The following PSAP variants were observed in gnomAD, a reference collection of about 807,000 sequenced individuals.
The protein encoded by PSAP is prosaposin.
In PSAP, 25 loss-of-function variants were observed where a neutral mutation model predicts 66.0. That is an observed-to-expected ratio of 0.38 (90% CI 0.28 to 0.53). The LOEUF is 0.53. Ranked by LOEUF, PSAP falls within the 20% of genes least tolerant of loss-of-function variation. The probability of loss-of-function intolerance (pLI) is 0.83; values close to 1 mark genes in which losing one functional copy is unlikely to be tolerated. For synonymous variants in PSAP, 273 were observed against 258.9 expected, an observed-to-expected ratio of 1.05 and a Z score of -0.52; for missense variants, 649 against 668.8, an observed-to-expected ratio of 0.97 and a Z score of 0.33.
intron 2 of PSAP, among the ~76,000 whole-genome samples, chr10:71,832,551 A>G (rs1842540808): frequency 6.6e-6 from 1 of 152,176 alleles, no homozygotes; most frequent in African/African-American, 2.4e-5. Context: ...AGGAACACCT[A>G]TGAACTTAGC....
rs1842192397 is a variant in PSAP at position 71,817,473 on chromosome 10, C to G, written c.1543G>C (p.Val515Leu). Reference protein sequence around the residue: ...NTETAAQCNAVEHCKRHVWN With the variant: ...NTETAAQCNALEHCKRHVWN ...CACACATGGCGTTTGCAATGCTCGA[C>G]AGCCTGGTAGGAGAGAGGAAGCTGA... The change falls in exon 14 of 14, where the codon GTC becomes CTC. Residue 515 changes from valine to leucine, a missense_variant. Val to Leu is a conservative substitution (Grantham distance 32). Coordinates refer to ENST00000394936, the MANE Select transcript of PSAP (RefSeq NM_002778.4). The G allele has an allele frequency of 6.2e-7, 1 of 1,614,044 alleles. No individual in the cohort carries two copies. Among genetic ancestry groups the G allele is most frequent in the African/African-American group, 1.3e-5 (1 of 74,936 alleles).
chr10:71,823,010 AG>A (rs1196194626), intron 7 of PSAP, among the ~76,000 whole-genome samples: 3 of 151,670 alleles, frequency 2.0e-5, no homozygotes, highest in African/African-American at 7.3e-5. Context: ...CAAGCTTTTT[AG>A]AAAAAAAAAA....
At chr10:71,831,037 C>T (rs2133047825) in intron 4 of PSAP, 89 bp downstream of exon 4, 2 of 1,576,834 alleles carry the variant, frequency 1.3e-6, no homozygotes, top group Non-Finnish European at 1.7e-6. Flanking sequence ...TAAGAACAGA[C>T]TTTCCATTTT....
intron 13 of PSAP, 143 bp downstream of exon 13, chr10:71,818,474 T>C: frequency 1.2e-6 from 1 of 809,114 alleles, no homozygotes; most frequent in African/African-American, 1.7e-5. Context: ...TGAGTAAGCC[T>C]AACCACCTCT....
intron 8 of PSAP, among the ~76,000 whole-genome samples, chr10:71,820,970 G>A (rs1322441571): frequency 6.6e-6 from 1 of 152,232 alleles, no homozygotes; most frequent in East Asian, 1.9e-4. Flanking sequence ...TTTTAATTTT[G>A]CTCCATGGTA....
At chr10:71,820,030 A>C (rs12769743) in intron 9 of PSAP, 130 bp from the exon 10 acceptor site, 1 of 960,434 alleles carries the variant, frequency 1.0e-6, no homozygotes, top group Non-Finnish European at 1.6e-6. Context: ...AAAAACTACC[A>C]AACTACAAAG....
intron 1 of PSAP, among the ~76,000 whole-genome samples, chr10:71,838,688 G>A (rs944192648): frequency 2.0e-5 from 3 of 152,076 alleles, no homozygotes; most frequent in South Asian, 2.1e-4. Flanking sequence ...CCCAGGAGGC[G>A]GAGGTTGCAC....
rs779384030 is a variant in PSAP at position 71,820,337 on chromosome 10, T to C, written c.910-2A>G. On this transcript the variant is annotated splice_acceptor_variant, in intron 8 of 13. Coordinates refer to ENST00000394936, the MANE Select transcript of PSAP (RefSeq NM_002778.4). LOFTEE classifies it high-confidence loss of function. ...AGACTTTGCTGGGACCTCGTGCTTC[T>C]GTGGAAAGAGTAGAAGGAGAGTACT... 9 of 1,612,866 alleles carry C rather than the reference T, an allele frequency of 5.6e-6. No homozygotes were observed. The highest frequency in any genetic ancestry group is 6.8e-6 in the Non-Finnish European group (8 of 1,178,816).
chr10:71,818,318 T>C (rs184880788), intron 13 of PSAP, among the ~76,000 whole-genome samples: 47 of 152,262 alleles, frequency 3.1e-4, no homozygotes, highest in African/African-American at 9.1e-4. Context: ...TGGAGTGACC[T>C]TGTACAAGTC....
Position 71,817,364 on chromosome 10 carries a change from G to C in PSAP, c.*77C>G. The stretch of plus-strand genomic sequence containing the variant: ...TTTTATAACAAAGTCAAACAGATCT[G>C]TGCGTTCATTCCCCCAGACACACAA... On this transcript the variant is annotated 3_prime_UTR_variant, in exon 14 of 14. Transcript: ENST00000394936. The C allele has an allele frequency of 6.9e-7, 1 of 1,453,614 alleles. No homozygotes were observed. The highest frequency in any genetic ancestry group is 9.7e-7 in the Non-Finnish European group (1 of 1,033,910). 90.0% of individuals were successfully genotyped at this position (1,453,614 alleles called of 1,614,324 possible).
At chr10:71,829,429 T>C (rs1328911671) in intron 4 of PSAP, among the ~76,000 whole-genome samples, 1 of 152,008 alleles carries the variant, frequency 6.6e-6, no homozygotes, top group Non-Finnish European at 1.5e-5. Flanking sequence ...TCCCATGCTG[T>C]TTAGTGATAG....
At chr10:71,829,621 T>C (rs1038241784) in intron 4 of PSAP, among the ~76,000 whole-genome samples, 4 of 152,038 alleles carry the variant, frequency 2.6e-5, no homozygotes, top group African/African-American at 9.7e-5. Flanking sequence ...AATTACCCAG[T>C]CTCGGGTATG....
At chr10:71,825,759 T>C in intron 7 of PSAP, 78 bp downstream of exon 7, 3 of 1,386,378 alleles carry the variant, frequency 2.2e-6, no homozygotes, top group South Asian at 1.2e-5. Flanking sequence ...CTAAACCATA[T>C]AATTTTCAAA....
intron 1 of PSAP, among the ~76,000 whole-genome samples, chr10:71,834,746 C>T (rs1225677000): frequency 6.6e-6 from 1 of 152,186 alleles, no homozygotes; most frequent in African/African-American, 2.4e-5. Context: ...TCTCTAGCTA[C>T]CTTTAAACAG....
chr10:71,820,583 TCA>T (rs547074756), intron 8 of PSAP, among the ~76,000 whole-genome samples: 81 of 151,600 alleles, frequency 5.3e-4, no homozygotes, highest in African/African-American at 1.9e-3. Context: ...ACCCAGGAAT[TCA>T]CAGTTCAGGA....
At chr10:71,829,465 TA>T (rs1429769488) in intron 4 of PSAP, among the ~76,000 whole-genome samples, 2 of 152,210 alleles carry the variant, frequency 1.3e-5, no homozygotes, top group East Asian at 3.8e-4. Flanking sequence ...GATGGTTTTA[TA>T]AAGGGCAGTT....
intron 12 of PSAP, 71 bp downstream of exon 12, chr10:71,818,960 A>C: frequency 6.9e-7 from 1 of 1,439,204 alleles, no homozygotes; most frequent in South Asian, 1.2e-5. Flanking sequence ...TCTCAGAGCA[A>C]CCCTTCCGGG....
At position 71,834,523 on chromosome 10, in the gene PSAP, G is replaced by A. The variant is rs970529644; in HGVS notation, c.41-18C>T. On this transcript the variant is annotated intron_variant, in intron 1 of 13. Transcript: ENST00000394936. ...GGCTAGAGCTAAAATGAAAACCAAC[G>A]TGAGGAGGTGGCCCATTTTGTAGCA... 5.6e-6 allele frequency: 9 copies of A among 1,612,864 alleles called. No homozygotes were observed. Among genetic ancestry groups the A allele is most frequent in the Middle Eastern group, 1.7e-4 (1 of 5,892 alleles).
chr10:71,845,235 A>G (rs954338740), intron 1 of PSAP, among the ~76,000 whole-genome samples: 30 of 152,220 alleles, frequency 2.0e-4, no homozygotes, highest in African/African-American at 7.2e-4. Context: ...TAAAATATCC[A>G]AAACAATACT....
Sources: allele counts gnomAD v4.1 joint callset (sites outside exome capture counted in the v4.1 genomes callset), GRCh38; gene constraint gnomAD v4.1.1; transcripts MANE v1.5; gene names NCBI Gene and HGNC (gene_info 2026-07-23, HGNC 2026-07-21).